Variants in PCDH15 observed in about 807,000 individuals in gnomAD.
PCDH15 encodes protocadherin-15.
Under a neutral mutation model 178.5 loss-of-function variants are expected in PCDH15, and 129 were observed. The ratio of observed to expected loss-of-function variants is 0.72; its 90% CI spans 0.63 to 0.84. PCDH15 has a LOEUF of 0.84. Ranked by LOEUF, PCDH15 falls within the 40% of genes least tolerant of loss-of-function variation. The pLI is 0.00. For synonymous variants in PCDH15, 800 were observed against 732.0 expected (o/e 1.09, Z -1.50); for missense variants, 2,230 against 2,099.9 (o/e 1.06, Z -1.21).
intron 2 of PCDH15, among the ~76,000 whole-genome samples, chr10:55,117,988 A>T (rs761357141): frequency 1.3e-5 from 2 of 152,088 alleles, no homozygotes; most frequent in Non-Finnish European, 2.9e-5. Context: ...GGCCTTGTGG[A>T]GTCCATTTGC....
Position 55,082,400 on chromosome 10 carries a change from T to C in PCDH15, c.-80+84176A>G, listed in dbSNP as rs147396819. Among the ~76,000 whole-genome samples, 135 of 151,608 alleles carry C rather than the reference T, an allele frequency of 8.9e-4. 3 individuals carry two copies. In the East Asian group the frequency reaches 0.019, roughly 22 times the overall value. On this transcript the variant is annotated intron_variant, in intron 2 of 5. Coordinates refer to the PCDH15 transcript ENST00000458638. ...ACACAACATATCAAAACCTACAGGATACAACAAACACAATACTAAGAGGAA... is the reference window on the plus strand; with the variant it reads ...ACACAACATATCAAAACCTACAGGACACAACAAACACAATACTAAGAGGAA...
intron 1 of PCDH15, among the ~76,000 whole-genome samples, chr10:54,799,339 C>CATTT (rs1183285554): frequency 1.9e-4 from 29 of 151,994 alleles, no homozygotes; most frequent in African/African-American, 6.0e-4. Flanking sequence ...TTGTAATGGA[C>CATTT]ATTTATTTTT....
At chr10:54,573,652 T>C (rs964547717) in intron 2 of PCDH15, among the ~76,000 whole-genome samples, 2 of 152,034 alleles carry the variant, frequency 1.3e-5, no homozygotes, top group Admixed American at 6.6e-5. Context: ...TTCATTAATA[T>C]ATAAGTCAAT....
rs57852524 is a variant in PCDH15 at position 54,020,660 on chromosome 10, C to CAG, written c.2527-246_2527-245dup. ...GGAGGGAGACAGTGAGAGGGAGAGT[C>CAG]AGAGAGAGAGAGAGAGGGATCTTTC... On this transcript the variant is annotated intron_variant, in intron 19 of 37. Coordinates refer to ENST00000644397, the MANE Select transcript of PCDH15 (RefSeq NM_001384140.1). Among the ~76,000 whole-genome samples the CAG allele has an allele frequency of 0.17, 25,077 of 148,964 alleles. 4,668 individuals are homozygous for CAG. Among genetic ancestry groups the CAG allele is most frequent in the African/African-American group, 0.46 (18,784 of 40,782 alleles).
At chr10:54,088,482 A>G (rs778738114) in intron 16 of PCDH15, among the ~76,000 whole-genome samples, 4 of 152,056 alleles carry the variant, frequency 2.6e-5, no homozygotes, top group Non-Finnish European at 5.9e-5. Flanking sequence ...ATTTTAAAAT[A>G]TTTTCTCTGA....
chr10:54,063,114 G>T (rs1304790491), intron 18 of PCDH15, among the ~76,000 whole-genome samples: 1 of 152,086 alleles, frequency 6.6e-6, no homozygotes. Context: ...TCCTACTTCT[G>T]CCTTCTGGAT....
At chr10:54,359,276 A>C (rs192939419) in intron 5 of PCDH15, among the ~76,000 whole-genome samples, 11 of 151,896 alleles carry the variant, frequency 7.2e-5, no homozygotes, top group East Asian at 5.8e-4. Flanking sequence ...CTAAAAAAAA[A>C]CAAAAACTAA....
intron 8 of PCDH15, among the ~76,000 whole-genome samples, chr10:54,292,915 A>G (rs2059512203): frequency 1.3e-5 from 2 of 152,196 alleles, no homozygotes; most frequent in Admixed American, 1.3e-4. Context: ...ATTCAATGCC[A>G]TCCCCATCAA....
chr10:55,400,335 A>G (rs1405752995), intron 2 of PCDH15, among the ~76,000 whole-genome samples: 1 of 152,112 alleles, frequency 6.6e-6, no homozygotes, highest in Non-Finnish European at 1.5e-5. Flanking sequence ...CTGCCACCAA[A>G]ATGTGATGGA....
rs552499393 is a variant in PCDH15 at position 54,669,660 on chromosome 10, G to A, written c.-28-5370C>T. 9.5e-5 allele frequency among the ~76,000 whole-genome samples: 14 copies of A among 146,852 alleles called. 1 individual carries two copies. The South Asian group carries it at 2.5e-3, about 26-fold the overall frequency. ...GAGGTCCAACCTACCTCTCCCACCC[G>A]GTCCTGCTAAATTCGGCTTACTAGA... is the stretch of plus-strand genomic sequence containing the variant. On this transcript the variant is annotated intron_variant, in intron 1 of 37. Coordinates refer to ENST00000644397, the MANE Select transcript of PCDH15 (RefSeq NM_001384140.1).
chr10:55,334,427 C>T (rs1844320987), intron 2 of PCDH15, among the ~76,000 whole-genome samples: 2 of 150,810 alleles, frequency 1.3e-5, no homozygotes, highest in South Asian at 4.2e-4. Flanking sequence ...CCTGCCTCAG[C>T]CCCCCAAGTA....
At chr10:54,385,825 T>C (rs1308770976) in intron 3 of PCDH15, among the ~76,000 whole-genome samples, 1 of 152,214 alleles carries the variant, frequency 6.6e-6, no homozygotes, top group Non-Finnish European at 1.5e-5. Flanking sequence ...TCATTTGGTC[T>C]GTAAGATGAT....
intron 5 of PCDH15, among the ~76,000 whole-genome samples, chr10:54,358,900 C>G (rs1212397073): frequency 1.3e-5 from 2 of 151,000 alleles, no homozygotes; most frequent in African/African-American, 4.9e-5. Flanking sequence ...TCTCAGTAAA[C>G]TATTGCAAGA....
chr10:55,266,730 T>C (rs1464837419), intron 1 of PCDH15, among the ~76,000 whole-genome samples: 1 of 152,146 alleles, frequency 6.6e-6, no homozygotes, highest in African/African-American at 2.4e-5. Flanking sequence ...TACTGGCAGA[T>C]GCAGGCAGGT....
At chr10:54,076,341 T>C (rs1010715395) in intron 17 of PCDH15, among the ~76,000 whole-genome samples, 6 of 152,168 alleles carry the variant, frequency 3.9e-5, no homozygotes, top group Non-Finnish European at 8.8e-5. Flanking sequence ...CCAACATTTG[T>C]GTATGTGTGT....
intron 6 of PCDH15, among the ~76,000 whole-genome samples, chr10:54,334,462 G>A (rs559860357): frequency 1.3e-5 from 2 of 152,290 alleles, no homozygotes; most frequent in South Asian, 4.1e-4. Flanking sequence ...GCAGCTCTCT[G>A]AAAGGAGGTG....
At chr10:54,590,569 GAA>G (rs2091819657) in intron 2 of PCDH15, among the ~76,000 whole-genome samples, 1 of 152,090 alleles carries the variant, frequency 6.6e-6, no homozygotes, top group Non-Finnish European at 1.5e-5. Flanking sequence ...TTTTCCTCAA[GAA>G]CATTAGTGAG....
intron 26 of PCDH15, among the ~76,000 whole-genome samples, chr10:53,894,790 T>C (rs1038346454): frequency 6.6e-6 from 1 of 152,164 alleles, no homozygotes; most frequent in African/African-American, 2.4e-5. Context: ...GGCACCTGCT[T>C]CTACAGCAAT....
At chr10:54,133,176 T>C (rs1288878985) in intron 14 of PCDH15, among the ~76,000 whole-genome samples, 169 bp from the exon 15 acceptor site, 6 of 152,182 alleles carry the variant, frequency 3.9e-5, no homozygotes, top group Non-Finnish European at 8.8e-5. Context: ...CAAAGTATAA[T>C]GGTTTTATGA....
Sources: allele counts gnomAD v4.1 joint callset (sites outside exome capture counted in the v4.1 genomes callset), GRCh38; gene constraint gnomAD v4.1.1; transcripts MANE v1.5; gene names NCBI Gene and HGNC (gene_info 2026-07-23, HGNC 2026-07-21).